Variants in MAP4K3 observed in about 807,000 individuals in gnomAD.
The protein encoded by MAP4K3 is MAPK/ERK kinase kinase kinase 3.
Under a neutral mutation model 143.5 loss-of-function variants are expected in MAP4K3, and 94 were observed. The observed-to-expected ratio is 0.65, with a 90% CI of 0.55 to 0.78. The LOEUF is 0.78. MAP4K3 is among the 30% of genes least tolerant of loss of function. The pLI is 0.00. For missense variants in MAP4K3, 1,077 were observed against 1,068.1 expected, an observed-to-expected ratio of 1.01 and a Z score of -0.12; for synonymous variants, 416 against 347.2, an observed-to-expected ratio of 1.20 and a Z score of -2.20.
In MAP4K3 at chr2:39,326,334, C is replaced by T. The variant is rs1683489102; in HGVS notation, c.531-57G>A. ...TCTGTTATATGTTTTCCTTTATACT[C>T]CCACCCAGAGGCACAAGGAATTATC... On this transcript the variant is annotated intron_variant, in intron 8 of 33. Coordinates refer to ENST00000263881, the MANE Select transcript of MAP4K3 (RefSeq NM_003618.4). The T allele has an allele frequency of 3.8e-6, 6 of 1,571,254 alleles. No individual in the cohort carries two copies. The East Asian group carries it at 1.1e-4, about 29-fold the overall frequency.
intron 12 of MAP4K3, among the ~76,000 whole-genome samples, chr2:39,320,072 C>T (rs1683252991): frequency 6.6e-6 from 1 of 152,164 alleles, no homozygotes; most frequent in South Asian, 2.1e-4. Context: ...ACTTCCCTAA[C>T]AAAAGTTGGC....
intron 1 of MAP4K3, chr2:39,436,644 G>GC (rs1344852406): frequency 1.9e-6 from 1 of 529,964 alleles, no homozygotes; most frequent in African/African-American, 2.0e-5. Context: ...GGAAATGCGC[G>GC]CAAGAAGGGA....
At chr2:39,270,856 G>T (rs543775577) in intron 26 of MAP4K3, among the ~76,000 whole-genome samples, 10 of 152,132 alleles carry the variant, frequency 6.6e-5, no homozygotes, top group African/African-American at 2.4e-4. Context: ...TGCTAAAAGG[G>T]TTTTTAGGTT....
intron 2 of MAP4K3, among the ~76,000 whole-genome samples, chr2:39,365,904 G>A (rs994365206): frequency 5.9e-5 from 9 of 152,244 alleles, no homozygotes; most frequent in South Asian, 2.1e-4. Flanking sequence ...ACACATCTAC[G>A]TTACATGTAA....
intron 15 of MAP4K3, among the ~76,000 whole-genome samples, chr2:39,300,949 T>C (rs545840186): frequency 2.0e-5 from 3 of 152,338 alleles, no homozygotes; most frequent in Admixed American, 2.0e-4. Flanking sequence ...GACTGCACCA[T>C]AAATAAATGC....
rs1680099553 is a variant in MAP4K3, at chr2:39,250,288, G to GTAC, written c.*329_*330insGTA. On this transcript the variant is annotated 3_prime_UTR_variant, in exon 34 of 34. Coordinates refer to ENST00000263881, the MANE Select transcript of MAP4K3 (RefSeq NM_003618.4). The stretch of plus-strand genomic sequence containing the variant: ...TTTCATCAACATTTACATCTGTACA[G>GTAC]ATAAGACACTTACTTGTACATCTCA... 1 of 214,976 alleles carries GTAC rather than the reference G, an allele frequency of 4.7e-6. No individual in the cohort carries two copies. Among genetic ancestry groups the GTAC allele is most frequent in the Non-Finnish European group, 9.3e-6 (1 of 107,684 alleles). The allele number at this position is 214,976 out of a possible 1,614,324, so 13.3% of individuals were successfully genotyped here.
At chr2:39,290,410 A>G in intron 18 of MAP4K3, 76 bp from the exon 19 acceptor site, 2 of 906,622 alleles carry the variant, frequency 2.2e-6, no homozygotes, top group Non-Finnish European at 3.4e-6. Flanking sequence ...TAATTTTTTC[A>G]AAGACACATA....
intron 22 of MAP4K3, 110 bp downstream of exon 22, chr2:39,282,403 T>G: frequency 1.2e-6 from 1 of 864,182 alleles, no homozygotes; most frequent in Non-Finnish European, 1.9e-6. Context: ...TTATAGATTT[T>G]TTTTCAATAA....
intron 33 of MAP4K3, among the ~76,000 whole-genome samples, chr2:39,251,210 G>A (rs981322150): frequency 5.9e-5 from 9 of 152,208 alleles, no homozygotes; most frequent in African/African-American, 2.2e-4. Context: ...AATGACAAAG[G>A]CTTTGAGTCA....
At chr2:39,320,579 A>C (rs1171948143) in intron 12 of MAP4K3, among the ~76,000 whole-genome samples, 1 of 151,994 alleles carries the variant, frequency 6.6e-6, no homozygotes, top group African/African-American at 2.4e-5. Flanking sequence ...TACTTTATTA[A>C]AACCATTCTA....
chr2:39,347,769 T>A (rs1470420433), intron 3 of MAP4K3, among the ~76,000 whole-genome samples: 1 of 152,040 alleles, frequency 6.6e-6, no homozygotes, highest in African/African-American at 2.4e-5. Flanking sequence ...AAAAGAGAGA[T>A]GGGATTGATC....
At chr2:39,396,603 A>G (rs1402557649) in intron 1 of MAP4K3, among the ~76,000 whole-genome samples, 1 of 150,746 alleles carries the variant, frequency 6.6e-6, no homozygotes, top group Non-Finnish European at 1.5e-5. Flanking sequence ...CCTCCCAAGT[A>G]GCTGGGACTA....
At chr2:39,326,393 T>C (rs923671953) in intron 8 of MAP4K3, 116 bp from the exon 9 acceptor site, 1 of 1,110,958 alleles carries the variant, frequency 9.0e-7, no homozygotes. Flanking sequence ...AGGCCTTGGT[T>C]TTTGAAAAAT....
At chr2:39,345,451 G>A (rs1457258952) in intron 3 of MAP4K3, among the ~76,000 whole-genome samples, 1 of 152,108 alleles carries the variant, frequency 6.6e-6, no homozygotes, top group Non-Finnish European at 1.5e-5. Context: ...GCTTTTATCA[G>A]CCATAGGTCA....
intron 2 of MAP4K3, among the ~76,000 whole-genome samples, chr2:39,357,362 G>C (rs182852374): frequency 3.5e-4 from 54 of 152,304 alleles, no homozygotes; most frequent in Non-Finnish European, 6.0e-4. Flanking sequence ...ATGTAAATTA[G>C]TAGCAAAGTA....
At chr2:39,360,722 A>G (rs150263231) in intron 2 of MAP4K3, among the ~76,000 whole-genome samples, 274 of 152,300 alleles carry the variant, frequency 1.8e-3, no homozygotes, top group African/African-American at 6.3e-3. Context: ...CCTTCTTCAC[A>G]TGGTGGCAGG....
At chr2:39,282,252 C>T (rs1270191004) in intron 22 of MAP4K3, among the ~76,000 whole-genome samples, 1 of 151,760 alleles carries the variant, frequency 6.6e-6, no homozygotes, top group African/African-American at 2.4e-5. Flanking sequence ...AATCACAGCA[C>T]TTTGGGAAGC....
At chr2:39,359,968 T>C (rs571953231) in intron 2 of MAP4K3, among the ~76,000 whole-genome samples, 1 of 152,372 alleles carries the variant, frequency 6.6e-6, no homozygotes, top group African/African-American at 2.4e-5. Context: ...CCTGGAGACA[T>C]GTTCCCCTTG....
At chr2:39,410,584 G>A (rs1051479909) in intron 1 of MAP4K3, among the ~76,000 whole-genome samples, 1 of 152,104 alleles carries the variant, frequency 6.6e-6, no homozygotes, top group African/African-American at 2.4e-5. Flanking sequence ...AGTGTGTGCA[G>A]AAAGCAGTAT....
Sources: allele counts gnomAD v4.1 joint callset (sites outside exome capture counted in the v4.1 genomes callset), GRCh38; gene constraint gnomAD v4.1.1; transcripts MANE v1.5; gene names NCBI Gene and HGNC (gene_info 2026-07-23, HGNC 2026-07-21).